Variants in CDH12 observed in about 807,000 individuals in gnomAD.
CDH12 encodes the protein cadherin 12.
CDH12 carries 41 observed loss-of-function variants against 74.1 expected under a neutral mutation model. That is an observed-to-expected ratio of 0.55 (90% CI 0.43 to 0.72). The LOEUF is 0.72. Among genes scored for constraint, CDH12 ranks in the 30% least tolerant of loss-of-function variants. CDH12 has a pLI of 0.00. For missense variants in CDH12, 945 were observed against 977.2 expected (o/e 0.97, Z 0.44); for synonymous variants, 399 against 355.0 (o/e 1.12, Z -1.39).
intron 3 of CDH12, among the ~76,000 whole-genome samples, chr5:22,375,886 T>A (rs1014092582): frequency 6.6e-6 from 1 of 152,066 alleles, no homozygotes; most frequent in Non-Finnish European, 1.5e-5. Flanking sequence ...ACAGCCACTA[T>A]GGAAAACAGT....
chr5:22,649,096 A>T (rs1248566477), intron 1 of CDH12, among the ~76,000 whole-genome samples: 2 of 151,960 alleles, frequency 1.3e-5, no homozygotes, highest in South Asian at 4.1e-4. Context: ...TAGAGAAATG[A>T]TACTGTCAAA....
intron 2 of CDH12, among the ~76,000 whole-genome samples, chr5:22,446,679 G>A (rs966130608): frequency 7.9e-5 from 12 of 151,832 alleles, no homozygotes; most frequent in Non-Finnish European, 1.8e-4. Flanking sequence ...AAATTATTGG[G>A]CTTACTGAAT....
chr5:21,804,643 A>AACACACACACACAC (rs11281181), intron 9 of CDH12, among the ~76,000 whole-genome samples: 3 of 115,272 alleles, frequency 2.6e-5, no homozygotes, highest in African/African-American at 9.6e-5. Context: ...AGTGAATTAA[A>AACACACACACACAC]ACACACACAC....
intron 4 of CDH12, among the ~76,000 whole-genome samples, chr5:22,204,153 GTTTT>G (rs1751075221): frequency 5.2e-5 from 2 of 38,390 alleles, no homozygotes; most frequent in Non-Finnish European, 1.1e-4. Flanking sequence ...TTTTTGTTTT[GTTTT>G]GTTTGTTTTT....
intron 1 of CDH12, among the ~76,000 whole-genome samples, chr5:22,552,793 G>A (rs1239435174): frequency 2.0e-5 from 3 of 151,988 alleles, no homozygotes; most frequent in Non-Finnish European, 2.9e-5. Flanking sequence ...ACATTGTACC[G>A]TAGTTTTATG....
intron 3 of CDH12, among the ~76,000 whole-genome samples, chr5:22,246,370 A>G (rs548512218): frequency 1.1e-3 from 170 of 152,268 alleles, no homozygotes; most frequent in Middle Eastern, 6.8e-3. Context: ...TCTGGATAAC[A>G]TATAAGTCAC....
intron 3 of CDH12, among the ~76,000 whole-genome samples, chr5:22,315,370 T>G (rs1002648103): frequency 3.9e-5 from 6 of 151,950 alleles, no homozygotes; most frequent in Non-Finnish European, 7.4e-5. Context: ...TTACTAGATT[T>G]TGTGACGATG....
At chr5:22,372,833 AG>A (rs1355369534) in intron 3 of CDH12, among the ~76,000 whole-genome samples, 5 of 152,142 alleles carry the variant, frequency 3.3e-5, no homozygotes, top group African/African-American at 1.2e-4. Flanking sequence ...CTGCTGCTGC[AG>A]GAGTAAGAGG....
intron 6 of CDH12, among the ~76,000 whole-genome samples, chr5:21,860,680 G>T (rs531213721): frequency 1.4e-4 from 22 of 152,046 alleles, no homozygotes; most frequent in African/African-American, 5.3e-4. Context: ...GCCCTCATCC[G>T]TCTCCTGTGC....
intron 4 of CDH12, among the ~76,000 whole-genome samples, chr5:22,125,081 C>T (rs542345371): frequency 9.6e-4 from 146 of 151,818 alleles, no homozygotes; most frequent in Non-Finnish European, 1.9e-3. Context: ...TTTCAAGATT[C>T]GGGGTTTGAT....
intron 1 of CDH12, among the ~76,000 whole-genome samples, chr5:22,814,938 A>G (rs1749315715): frequency 6.6e-6 from 1 of 152,216 alleles, no homozygotes; most frequent in African/African-American, 2.4e-5. Flanking sequence ...ATTGTACATA[A>G]TCTTCTTTCA....
chr5:21,946,519 C>T (rs1053754676), intron 6 of CDH12, among the ~76,000 whole-genome samples: 6 of 152,114 alleles, frequency 3.9e-5, no homozygotes, highest in African/African-American at 1.4e-4. Flanking sequence ...AAGTTTTCTA[C>T]ACTTCACTCA....
intron 5 of CDH12, among the ~76,000 whole-genome samples, chr5:21,981,827 C>T (rs910431558): frequency 1.3e-5 from 2 of 152,060 alleles, no homozygotes; most frequent in African/African-American, 4.8e-5. Flanking sequence ...GACTACCATG[C>T]TTAGCTAATT....
intron 5 of CDH12, among the ~76,000 whole-genome samples, chr5:22,077,251 G>A (rs904283787): frequency 1.8e-4 from 28 of 152,082 alleles, no homozygotes; most frequent in South Asian, 1.0e-3. Context: ...TTTCAACAAA[G>A]TTTCTATTTA....
At chr5:22,743,340 A>G (rs1745132180) in intron 1 of CDH12, among the ~76,000 whole-genome samples, 1 of 150,278 alleles carries the variant, frequency 6.7e-6, no homozygotes, top group Non-Finnish European at 1.5e-5. Flanking sequence ...TATTGGATTC[A>G]TTTCTCTGGA....
At chr5:22,717,499 T>C (rs556276785) in intron 1 of CDH12, among the ~76,000 whole-genome samples, 2 of 152,304 alleles carry the variant, frequency 1.3e-5, no homozygotes, top group East Asian at 1.9e-4. Context: ...TCAGAACATA[T>C]ACCTCTCATT....
rs190327071 is a variant in CDH12, at chr5:22,332,586, C to T, written c.-333+72671G>A. Among the ~76,000 whole-genome samples, 393 of 152,132 alleles carry T rather than the reference C, an allele frequency of 2.6e-3. 3 individuals carry two copies. Among genetic ancestry groups the T allele is most frequent in the Non-Finnish European group, 3.8e-3 (257 of 67,984 alleles). ...ACCCATCTGATAAAGGTCTAATATC[C>T]ATAATCTACACGGAACTTAAACATA... On this transcript the variant is annotated intron_variant, in intron 3 of 14. Coordinates refer to ENST00000382254, the MANE Select transcript of CDH12 (RefSeq NM_004061.5).
At chr5:22,184,890 G>T (rs1003707468) in intron 4 of CDH12, among the ~76,000 whole-genome samples, 5 of 152,154 alleles carry the variant, frequency 3.3e-5, no homozygotes, top group African/African-American at 1.2e-4. Flanking sequence ...TGAAAGTGCA[G>T]GTTTGTTATG....
intron 11 of CDH12, among the ~76,000 whole-genome samples, chr5:21,780,631 A>G (rs187318008): frequency 6.6e-6 from 1 of 152,308 alleles, no homozygotes; most frequent in East Asian, 1.9e-4. Flanking sequence ...TTTATTATGG[A>G]CAACATGTTT....
Sources: gnomAD v4.1 joint callset for allele counts (sites outside exome capture counted in the v4.1 genomes callset) on GRCh38, gnomAD v4.1.1 for gene constraint, MANE v1.5 for transcripts, NCBI Gene and HGNC (gene_info 2026-07-23, HGNC 2026-07-21) for gene names.